The following RFC3 variants were observed in gnomAD, a reference collection of about 807,000 sequenced individuals.
The protein encoded by RFC3 is A1 38 kDa subunit.
In RFC3, 41 loss-of-function variants were observed where a neutral mutation model predicts 45.1. The observed-to-expected ratio is 0.91, with a 90% CI of 0.71 to 1.18. RFC3 has a LOEUF of 1.18. RFC3 is among the 50% of genes most tolerant of loss of function. RFC3 has a pLI of 0.00. For synonymous variants in RFC3, 149 were observed against 144.0 expected, an observed-to-expected ratio of 1.03 and a Z score of -0.25; for missense variants, 423 against 428.1, an observed-to-expected ratio of 0.99 and a Z score of 0.10.
At chr13:33,879,813 T>C (rs73477425) in intron 8 of RFC3, among the ~76,000 whole-genome samples, 5,052 of 152,262 alleles carry the variant, frequency 0.033, 267 homozygotes, top group African/African-American at 0.11. Context: ...AACCAAGGTG[T>C]TGGCAGGGTT....
chr13:33,922,161 T>TC (rs1423437815), intron 8 of RFC3, among the ~76,000 whole-genome samples: 51 of 152,094 alleles, frequency 3.4e-4, no homozygotes, highest in African/African-American at 1.1e-3. Flanking sequence ...TTTTTTTTTT[T>TC]TTTTTTACTG....
intron 8 of RFC3, among the ~76,000 whole-genome samples, chr13:33,933,089 A>G (rs903193977): frequency 3.3e-5 from 5 of 152,190 alleles, no homozygotes; most frequent in Admixed American, 1.3e-4. Flanking sequence ...AGATGGTGAT[A>G]TCATAAGAGC....
At chr13:33,820,514 C>A (rs577072612) in intron 1 of RFC3, among the ~76,000 whole-genome samples, 21 of 152,326 alleles carry the variant, frequency 1.4e-4, no homozygotes, top group Middle Eastern at 3.4e-3. Context: ...CAGGATCAAA[C>A]ACAGATACCT....
At chr13:33,859,996 CATAAG>C in intron 8 of RFC3, among the ~76,000 whole-genome samples, 1 of 152,178 alleles carries the variant, frequency 6.6e-6, no homozygotes, top group South Asian at 2.1e-4. Context: ...CTGGTGACCT[CATAAG>C]ATGAGGAAGA....
chr13:33,848,999 C>T (rs985866797), intron 8 of RFC3: 1 of 152,024 alleles, frequency 6.6e-6, no homozygotes, highest in Admixed American at 6.6e-5. Context: ...CATCAGTTTC[C>T]TTTGTGGAGT....
At chr13:33,831,147 C>T in intron 6 of RFC3, 109 bp from the exon 7 acceptor site, 1 of 702,372 alleles carries the variant, frequency 1.4e-6, no homozygotes, top group Non-Finnish European at 2.5e-6. Context: ...CTGCTCACTC[C>T]TGCTGTGCAG....
At chr13:33,939,372 GT>G (rs1289394036) in intron 8 of RFC3, among the ~76,000 whole-genome samples, 2 of 152,088 alleles carry the variant, frequency 1.3e-5, no homozygotes, top group African/African-American at 4.8e-5. Context: ...ATTGGGCTCA[GT>G]AAAAACTCTT....
intron 8 of RFC3, among the ~76,000 whole-genome samples, chr13:33,872,802 C>A (rs961748681): frequency 7.5e-6 from 1 of 133,230 alleles, no homozygotes; most frequent in African/African-American, 2.9e-5. Flanking sequence ...ACCCCCCCCC[C>A]CAAAATACAT....
intron 8 of RFC3, among the ~76,000 whole-genome samples, chr13:33,905,442 A>C (rs111274376): frequency 1.5e-3 from 230 of 151,710 alleles, no homozygotes; most frequent in African/African-American, 5.3e-3. Context: ...TCTTGCATGC[A>C]TGAGTGTCAT....
chr13:33,922,564 AAAC>A (rs1437634804), intron 8 of RFC3, among the ~76,000 whole-genome samples: 3 of 152,160 alleles, frequency 2.0e-5, no homozygotes, highest in South Asian at 2.1e-4. Context: ...TTTTTTGGGC[AAAC>A]AACAGTTAAT....
chr13:33,818,276 G>T lies in RFC3; in HGVS notation c.87+11G>T. 1 of 1,612,284 alleles carries T rather than the reference G, an allele frequency of 6.2e-7. No individual in the cohort carries two copies. Among genetic ancestry groups the T allele is most frequent in the South Asian group, 1.1e-5 (1 of 90,996 alleles). ...CAGCTGCGGAACCTGGTGAGTCTGC[G>T]GGGGCCGGGAGCGTGGGAGAGGGGA... On this transcript the variant is annotated intron_variant, in intron 1 of 8. Transcript: ENST00000380071.
intron 8 of RFC3, among the ~76,000 whole-genome samples, chr13:33,911,141 G>T (rs1021326646): frequency 2.6e-5 from 4 of 152,060 alleles, no homozygotes; most frequent in African/African-American, 9.7e-5. Flanking sequence ...CTTTGTAGGG[G>T]TCAGTGTCAG....
rs1007179605 is a variant in RFC3 at position 33,834,320 on chromosome 13, A to G, written c.810-828A>G. Reference sequence around the variant, plus strand: ...TGTGTATATATATATATATATATATATATATATATATCTGTACTGTAAAAA... The same window carrying G: ...TGTGTATATATATATATATATATATGTATATATATATCTGTACTGTAAAAA... On this transcript the variant is annotated intron_variant, in intron 7 of 8. Coordinates refer to ENST00000380071, the MANE Select transcript of RFC3 (RefSeq NM_002915.4). Among the ~76,000 whole-genome samples, 129 of 129,606 alleles carry G rather than the reference A, an allele frequency of 1.0e-3. 2 individuals carry two copies. The highest frequency in any genetic ancestry group is 4.0e-3 in the African/African-American group (118 of 29,418). 85.0% of individuals were successfully genotyped at this position (129,606 alleles called of 152,430 possible).
intron 8 of RFC3, among the ~76,000 whole-genome samples, chr13:33,862,847 T>G (rs2082349740): frequency 6.6e-6 from 1 of 152,184 alleles, no homozygotes; most frequent in Non-Finnish European, 1.5e-5. Context: ...GGGTTGCTGT[T>G]TTGGAGACAC....
chr13:33,959,806 A>G (rs570650632), intron 8 of RFC3, among the ~76,000 whole-genome samples: 44 of 152,246 alleles, frequency 2.9e-4, no homozygotes, highest in South Asian at 8.3e-4. Flanking sequence ...TTGCACTGCT[A>G]TAGAGAAATT....
Position 33,832,181 on chromosome 13 carries a change from G to A in RFC3, c.809+827G>A, listed in dbSNP as rs533877076. Among the ~76,000 whole-genome samples the A allele has an allele frequency of 5.9e-5, 9 of 152,298 alleles. No homozygotes were observed. The South Asian group carries it at 1.9e-3, about 32-fold the overall frequency. On this transcript the variant is annotated intron_variant, in intron 7 of 8. Transcript: ENST00000380071. ...ACAATGTTAAGGCCCACTAACTTTG[G>A]AGAGTATGAAGAAGGTTCCTCAGAC...
At chr13:33,929,665 G>GT (rs2082839407) in intron 8 of RFC3, among the ~76,000 whole-genome samples, 1 of 151,758 alleles carries the variant, frequency 6.6e-6, no homozygotes, top group Non-Finnish European at 1.5e-5. Flanking sequence ...TAAATGAACA[G>GT]TGCTAACATT....
At chr13:33,947,800 G>A (rs1452135795) in intron 8 of RFC3, among the ~76,000 whole-genome samples, 1 of 152,180 alleles carries the variant, frequency 6.6e-6, no homozygotes, top group Non-Finnish European at 1.5e-5. Context: ...CTATGCTTTA[G>A]CAAAGACACT....
intron 8 of RFC3, among the ~76,000 whole-genome samples, chr13:33,851,948 A>G (rs1364489949): frequency 6.6e-6 from 1 of 152,218 alleles, no homozygotes; most frequent in Non-Finnish European, 1.5e-5. Context: ...GCTTTCAGAT[A>G]TCAAATTTTA....
Sources: gnomAD v4.1 joint callset for allele counts (sites outside exome capture counted in the v4.1 genomes callset) on GRCh38, gnomAD v4.1.1 for gene constraint, MANE v1.5 for transcripts, NCBI Gene and HGNC (gene_info 2026-07-23, HGNC 2026-07-21) for gene names.